EXOC6B: variants seen among roughly 807,000 people sequenced by gnomAD.
The protein encoded by EXOC6B is exocyst complex component 6B, also known as SEC15 homolog B.
In EXOC6B, 54 loss-of-function variants were observed where a neutral mutation model predicts 113.5. The observed-to-expected ratio is 0.48, with a 90% confidence interval of 0.38 to 0.60. The LOEUF is 0.60. Among genes scored for constraint, EXOC6B ranks in the 20% least tolerant of loss-of-function variants. EXOC6B has a pLI of 0.00. For missense variants in EXOC6B, 797 were observed against 977.5 expected (o/e 0.82, Z 2.46); for synonymous variants, 357 against 339.0 (o/e 1.05, Z -0.58).
chr2:72,448,775 A>C (rs1457937613), intron 18 of EXOC6B, among the ~76,000 whole-genome samples: 3 of 152,204 alleles, frequency 2.0e-5, no homozygotes, highest in Non-Finnish European at 4.4e-5. Flanking sequence ...ATAAATACTG[A>C]GTTCAGAGTT....
intron 20 of EXOC6B, among the ~76,000 whole-genome samples, chr2:72,307,073 T>C (rs992813291): frequency 3.3e-5 from 5 of 152,102 alleles, no homozygotes; most frequent in African/African-American, 1.2e-4. Context: ...CACATTACAA[T>C]CAGAACAACC....
intron 18 of EXOC6B, among the ~76,000 whole-genome samples, chr2:72,456,337 T>C (rs1243277287): frequency 6.6e-6 from 1 of 152,146 alleles, no homozygotes; most frequent in Non-Finnish European, 1.5e-5. Context: ...AAATGGTTAC[T>C]TTTAATGACA....
intron 8 of EXOC6B, among the ~76,000 whole-genome samples, chr2:72,518,658 G>GA (rs1033808605): frequency 3.3e-5 from 5 of 151,918 alleles, no homozygotes; most frequent in African/African-American, 1.2e-4. Flanking sequence ...AGGCTGAATG[G>GA]AAAAAAAGGC....
chr2:72,343,237 C>G (rs951246105), intron 19 of EXOC6B, among the ~76,000 whole-genome samples: 1 of 152,076 alleles, frequency 6.6e-6, no homozygotes, highest in African/African-American at 2.4e-5. Context: ...ACCAGCCTGG[C>G]CAACATGGTG....
At chr2:72,627,856 T>A (rs924339758) in intron 6 of EXOC6B, among the ~76,000 whole-genome samples, 1 of 151,950 alleles carries the variant, frequency 6.6e-6, no homozygotes, top group African/African-American at 2.4e-5. Context: ...CCCTGCCAGG[T>A]AGCTGGAACT....
chr2:72,192,351 G>A (rs1678900496), intron 20 of EXOC6B, among the ~76,000 whole-genome samples: 1 of 152,142 alleles, frequency 6.6e-6, no homozygotes, highest in South Asian at 2.1e-4. Flanking sequence ...CATTCAAATG[G>A]ACCAAACCTA....
At chr2:72,514,900 G>A in intron 9 of EXOC6B, 143 bp downstream of exon 9, 1 of 767,240 alleles carries the variant, frequency 1.3e-6, no homozygotes, top group Non-Finnish European at 2.2e-6. Flanking sequence ...TTTTCTTACT[G>A]CAAGTCACAT....
intron 18 of EXOC6B, among the ~76,000 whole-genome samples, chr2:72,445,673 T>G (rs1374193571): frequency 6.6e-6 from 1 of 152,096 alleles, no homozygotes; most frequent in African/African-American, 2.4e-5. Context: ...TCAGATCTCA[T>G]GAGACTTATT....
chr2:72,202,619 C>T (rs1679555180), intron 20 of EXOC6B, among the ~76,000 whole-genome samples: 1 of 151,888 alleles, frequency 6.6e-6, no homozygotes, highest in Admixed American at 6.6e-5. Context: ...CAGTTTATAC[C>T]ATGAGCAAGC....
intron 6 of EXOC6B, among the ~76,000 whole-genome samples, chr2:72,662,302 A>C (rs376840419): frequency 6.6e-6 from 1 of 152,210 alleles, no homozygotes; most frequent in Non-Finnish European, 1.5e-5. Context: ...CACCAAAATC[A>C]TGATCCACTT....
Position 72,522,907 on chromosome 2 carries a change from A to G in EXOC6B, c.916-7781T>C, listed in dbSNP as rs147004057. ...ATTTAGCATGATCCACTTTCACTCC[A>G]CAACAGTGTTCCAACTCCTTTTCTT... On this transcript the variant is annotated intron_variant, in intron 8 of 21. Transcript: ENST00000272427. Among the ~76,000 whole-genome samples, 228 of 152,326 alleles carry G rather than the reference A, an allele frequency of 1.5e-3. 1 individual carries two copies. Among genetic ancestry groups the G allele is most frequent in the African/African-American group, 5.3e-3 (222 of 41,572 alleles).
intron 19 of EXOC6B, among the ~76,000 whole-genome samples, chr2:72,361,174 G>T (rs536833352): frequency 1.3e-5 from 2 of 152,258 alleles, no homozygotes; most frequent in African/African-American, 4.8e-5. Flanking sequence ...GGTAAATTCA[G>T]CAAAAACAGG....
chr2:72,241,020 A>C (rs950995900), intron 20 of EXOC6B, among the ~76,000 whole-genome samples: 5 of 152,212 alleles, frequency 3.3e-5, no homozygotes, highest in African/African-American at 1.2e-4. Flanking sequence ...GAAAAACTGA[A>C]GCTATAATTT....
intron 20 of EXOC6B, among the ~76,000 whole-genome samples, chr2:72,254,486 A>T (rs1224752177): frequency 6.6e-6 from 1 of 152,200 alleles, no homozygotes; most frequent in African/African-American, 2.4e-5. Flanking sequence ...CTGTGAGGGA[A>T]TAAATTTCTT....
chr2:72,357,700 A>AT (rs1296140920), intron 19 of EXOC6B, among the ~76,000 whole-genome samples: 2 of 151,838 alleles, frequency 1.3e-5, no homozygotes, highest in East Asian at 3.9e-4. Context: ...AAAAAAAAAA[A>AT]AGATGATAAT....
chr2:72,704,705 C>G (rs1489853941), intron 6 of EXOC6B, among the ~76,000 whole-genome samples: 1 of 150,946 alleles, frequency 6.6e-6, no homozygotes, highest in Non-Finnish European at 1.5e-5. Flanking sequence ...AACACCTCTA[C>G]GCAAATAAAC....
chr2:72,303,255 G>C (rs986321129), intron 20 of EXOC6B, among the ~76,000 whole-genome samples: 9 of 151,962 alleles, frequency 5.9e-5, no homozygotes, highest in African/African-American at 2.2e-4. Flanking sequence ...GGGGCTCTCT[G>C]TGTTTCCTAA....
chr2:72,631,461 TAGAGAGAGAGAGAGAGAGAGAGAGAG>T (rs372313608), intron 6 of EXOC6B, among the ~76,000 whole-genome samples: 106 of 9,714 alleles, frequency 0.011, 3 homozygotes, highest in South Asian at 0.04. Context: ...TATATATATA[TAGAGAGAGAGAGAGAGAGAGAGAGAG>T]AGAGAGAGAG....
chr2:72,367,920 A>G (rs1690737801), intron 19 of EXOC6B, among the ~76,000 whole-genome samples: 1 of 152,178 alleles, frequency 6.6e-6, no homozygotes, highest in African/African-American at 2.4e-5. Context: ...CCTCATTGCC[A>G]CAGGCCAACA....
Sources: allele counts gnomAD v4.1 joint callset (sites outside exome capture counted in the v4.1 genomes callset), GRCh38; gene constraint gnomAD v4.1.1; transcripts MANE v1.5; gene names NCBI Gene and HGNC (gene_info 2026-07-23, HGNC 2026-07-21).